Variants in SMO observed in about 807,000 individuals in gnomAD.
SMO encodes the protein protein smoothened.
A neutral mutation model predicts 81.6 loss-of-function variants in SMO; 40 were observed. The ratio of observed to expected loss-of-function variants is 0.49; its 90% CI spans 0.38 to 0.64. The LOEUF (loss-of-function observed/expected upper bound fraction) is 0.64. SMO is among the 30% of genes least tolerant of loss of function. SMO has a pLI of 0.00. For missense variants in SMO, 916 were observed against 1,061.1 expected, an observed-to-expected ratio of 0.86 and a Z score of 1.90; for synonymous variants, 434 against 432.1, an observed-to-expected ratio of 1.00 and a Z score of -0.05.
intron 1 of SMO, among the ~76,000 whole-genome samples, chr7:129,199,673 G>C (rs1027283504): frequency 3.3e-5 from 5 of 152,014 alleles, no homozygotes; most frequent in Admixed American, 6.6e-5. Flanking sequence ...GGAGCTGAAG[G>C]CTGCAGTGAG....
intron 1 of SMO, among the ~76,000 whole-genome samples, chr7:129,193,785 AATATATATATATATATATATATAT>A (rs71526088): frequency 3.8e-5 from 1 of 26,348 alleles, no homozygotes; most frequent in African/African-American, 1.7e-4. Context: ...AAAAAAAAAA[AATATATATATATATATATATATAT>A]ATATATATGT....
intron 1 of SMO, among the ~76,000 whole-genome samples, chr7:129,196,319 A>G (rs1793577977): frequency 9.8e-6 from 1 of 102,014 alleles, no homozygotes; most frequent in South Asian, 3.6e-4. Flanking sequence ...AGTCTGAGCT[A>G]TTCTTGATTG....
intron 2 of SMO, 56 bp from the exon 3 acceptor site, chr7:129,205,147 C>T (rs1306148372): frequency 7.3e-6 from 11 of 1,499,066 alleles, no homozygotes; most frequent in Non-Finnish European, 9.3e-6. Context: ...TTTCCCTAAA[C>T]AAGAGGCTCG....
intron 1 of SMO, among the ~76,000 whole-genome samples, chr7:129,190,432 C>T (rs1007363133): frequency 2.0e-5 from 3 of 152,196 alleles, no homozygotes; most frequent in Non-Finnish European, 2.9e-5. Context: ...TATCAGCCCT[C>T]GCTTCTAGCC....
In SMO at chr7:129,212,090, G is replaced by T. The variant is rs749061719; in HGVS notation, c.2003G>T (p.Arg668Leu). 3 of 1,582,090 alleles carry T rather than the reference G, an allele frequency of 1.9e-6. No individual in the cohort carries two copies. The highest frequency in any genetic ancestry group is 1.7e-6 in the Non-Finnish European group (2 of 1,167,868). Residue 668 changes from arginine to leucine, a missense_variant, in exon 12 of 12, where the codon CGC becomes CTC. Around this residue, in one of 4 missense-constraint regions of SMO, gnomAD observed 324 missense variants for 312.9 expected, o/e 1.04. Coordinates refer to ENST00000249373, the MANE Select transcript of SMO (RefSeq NM_005631.5). The surrounding 1 kb of genome is among the most constrained non-coding windows in gnomAD (Gnocchi z 5.0). ...GAGATCTCCCCAGAGCTGCAGAAGCGCCTGGGCCGGAAGAAGAAGAGGAGG... is the reference window on the plus strand; with the variant it reads ...GAGATCTCCCCAGAGCTGCAGAAGCTCCTGGGCCGGAAGAAGAAGAGGAGG... ...EAEISPELQK[R>L]LGRKKKRRKR...
At chr7:129,207,260 C>T (rs1178022739) in intron 6 of SMO, among the ~76,000 whole-genome samples, 1 of 152,130 alleles carries the variant, frequency 6.6e-6, no homozygotes, top group African/African-American at 2.4e-5. Flanking sequence ...CAACCTAGGT[C>T]GTTTGGTTAT....
rs541559174 is a variant in SMO, at chr7:129,203,116, G to A, written c.332-268G>A. 1.2e-4 allele frequency among the ~76,000 whole-genome samples: 18 copies of A among 152,332 alleles called. No individual in the cohort carries two copies. The South Asian group carries it at 2.5e-3, about 21-fold the overall frequency. ...CTCCCTTCTAGTCACCGTCCCTAGA[G>A]TAGAGGGCTGGGGCATTTTTGTTTG... On this transcript the variant is annotated intron_variant, in intron 1 of 11. Transcript: ENST00000249373.
chr7:129,201,343 C>T (rs1189759520), intron 1 of SMO, among the ~76,000 whole-genome samples: 6 of 152,116 alleles, frequency 3.9e-5, no homozygotes, highest in South Asian at 4.2e-4. Flanking sequence ...CATGCCCAGC[C>T]GACACAACCT....
At chr7:129,190,852 C>T (rs1793471888) in intron 1 of SMO, among the ~76,000 whole-genome samples, 1 of 152,300 alleles carries the variant, frequency 6.6e-6, no homozygotes, top group Admixed American at 6.5e-5. Context: ...TTTGCATATA[C>T]ACTTCTTTTA....
At chr7:129,203,953 A>G (rs1793716109) in intron 2 of SMO, among the ~76,000 whole-genome samples, 1 of 151,798 alleles carries the variant, frequency 6.6e-6, no homozygotes, top group African/African-American at 2.4e-5. Flanking sequence ...AGGGGACGTG[A>G]GCTAGTTCTG....
At position 129,210,121 on chromosome 7, in the gene SMO, C is replaced by A; in HGVS notation, c.1467-242C>A. 2 of 454,656 alleles carry A rather than the reference C, an allele frequency of 4.4e-6. No homozygotes were observed. The highest frequency in any genetic ancestry group is 2.4e-5 in the South Asian group (1 of 40,878). The allele number at this position is 454,656 out of a possible 1,614,324, so 28.2% of individuals were successfully genotyped here. ...TGAGATCAGTGCTGTGGAGCTTAGC[C>A]CTTTCTAAAGTTTTTGGATTGATTG... On this transcript the variant is annotated intron_variant, in intron 8 of 11. Transcript: ENST00000249373. The surrounding 1 kb of genome is among the most constrained non-coding windows in gnomAD (Gnocchi z 4.7).
At position 129,211,859 on chromosome 7, in the gene SMO, G is replaced by A; in HGVS notation, c.1936+89G>A. 1.9e-6 allele frequency: 3 copies of A among 1,538,834 alleles called. No individual in the cohort carries two copies. The highest frequency in any genetic ancestry group is 2.2e-5 in the South Asian group (2 of 88,910). On this transcript the variant is annotated intron_variant, in intron 11 of 11. Coordinates refer to ENST00000249373, the MANE Select transcript of SMO (RefSeq NM_005631.5). The surrounding 1 kb of genome is among the most constrained non-coding windows in gnomAD (Gnocchi z 4.6). ...TGGAGTACAGGGGCTGTCGGAGGAG[G>A]AGGAAGAGGAAGGAAAGGCCCCAGA...
intron 1 of SMO, among the ~76,000 whole-genome samples, chr7:129,194,024 C>G (rs1008894467): frequency 6.6e-6 from 1 of 150,564 alleles, no homozygotes; most frequent in African/African-American, 2.4e-5. Flanking sequence ...CGCTTGAACC[C>G]AAGAGGTTGA....
Position 129,208,878 on chromosome 7 carries a change from T to A in SMO, c.1357+27T>A, listed in dbSNP as rs1793816800. 1 of 1,539,918 alleles carries A rather than the reference T, an allele frequency of 6.5e-7. No individual in the cohort carries two copies. The highest frequency in any genetic ancestry group is 9.0e-7 in the Non-Finnish European group (1 of 1,114,936). On this transcript the variant is annotated intron_variant, in intron 7 of 11. Coordinates refer to ENST00000249373, the MANE Select transcript of SMO (RefSeq NM_005631.5). This position sits in a 1 kb window ranked among gnomAD's most constrained non-coding sequence, Gnocchi z 5.2. ...TGAGTGGCCCCGGGGGACTTCGGTC[T>A]GAGGTCCTGGCCAGCCCAACACTGC... is the stretch of plus-strand genomic sequence containing the variant.
At position 129,212,206 on chromosome 7, in the gene SMO, C is replaced by A. The variant is rs957669971; in HGVS notation, c.2119C>A (p.Leu707Met). Reference protein sequence around the residue: ...APSTIPRLPQLPRQKCLVAAG... With the variant: ...APSTIPRLPQMPRQKCLVAAG... The stretch of plus-strand genomic sequence containing the variant: ...CAGTACCATTCCTCGACTGCCTCAG[C>A]TGCCCCGGCAGAAATGCCTGGTGGC... Residue 707 changes from leucine (L) to methionine (M), a missense_variant, in exon 12 of 12, where the codon CTG becomes ATG. Leu to Met is a conservative substitution (Grantham distance 15). Around this residue, in one of 4 missense-constraint regions of SMO, gnomAD observed 324 missense variants for 312.9 expected, o/e 1.04. Coordinates refer to ENST00000249373, the MANE Select transcript of SMO (RefSeq NM_005631.5). The surrounding 1 kb of genome is among the most constrained non-coding windows in gnomAD (Gnocchi z 5.0). 3.8e-6 allele frequency: 6 copies of A among 1,568,108 alleles called. No homozygotes were observed. The African/African-American group carries it at 8.1e-5, about 21-fold the overall frequency.
intron 1 of SMO, among the ~76,000 whole-genome samples, chr7:129,199,168 C>T (rs1486875368): frequency 2.0e-5 from 3 of 147,418 alleles, no homozygotes; most frequent in East Asian, 2.0e-4. Flanking sequence ...CTTTATAGTA[C>T]GGTATTTTCT....
chr7:129,210,927 G>A lies in SMO; in HGVS notation c.1653-38G>A, dbSNP rs1225171905. ...TCCCAAGATTTGATGGGAAGTGGCA[G>A]CTTCTTCACGCTCCTTCCCTATCCC... On this transcript the variant is annotated intron_variant, in intron 9 of 11. Coordinates refer to ENST00000249373, the MANE Select transcript of SMO (RefSeq NM_005631.5). This position sits in a 1 kb window ranked among gnomAD's most constrained non-coding sequence, Gnocchi z 4.7. The A allele has an allele frequency of 6.5e-7, 1 of 1,545,232 alleles. No individual in the cohort carries two copies. The highest frequency in any genetic ancestry group is 8.7e-7 in the Non-Finnish European group (1 of 1,144,356).
At position 129,211,192 on chromosome 7, in the gene SMO, C is replaced by A. The variant is rs2150655088; in HGVS notation, c.1801+79C>A. On this transcript the variant is annotated intron_variant, in intron 10 of 11. Transcript: ENST00000249373. The surrounding 1 kb of genome is among the most constrained non-coding windows in gnomAD (Gnocchi z 4.6). ...CTAGTCTCTCCCAGCCTGCTGGGGG[C>A]ACACAGATTATTTGGAAGACCGACT... The A allele has an allele frequency of 7.0e-7, 1 of 1,430,274 alleles. No individual in the cohort carries two copies. The highest frequency in any genetic ancestry group is 9.6e-7 in the Non-Finnish European group (1 of 1,039,576). The allele number at this position is 1,430,274 out of a possible 1,614,324, so 88.6% of individuals were successfully genotyped here. A position where few individuals can be genotyped will look rare whatever the true frequency, so the allele number is the denominator to read the frequency against.
At chr7:129,205,844 C>T in intron 4 of SMO, 62 bp downstream of exon 4, 1 of 1,503,048 alleles carries the variant, frequency 6.7e-7, no homozygotes, top group Non-Finnish European at 9.1e-7. Context: ...GTGCGTTTAC[C>T]CCAAAGGGAG....
Sources: allele counts gnomAD v4.1 joint callset (sites outside exome capture counted in the v4.1 genomes callset), GRCh38; gene constraint gnomAD v4.1.1; regional missense constraint gnomAD v4.1.1; non-coding constraint Gnocchi (gnomAD v3.1); transcripts MANE v1.5; gene names NCBI Gene and HGNC (gene_info 2026-07-23, HGNC 2026-07-21).